NPAS3: variants seen among roughly 807,000 people sequenced by gnomAD.
NPAS3 encodes the protein neuronal PAS domain protein 3, also known as neuronal PAS domain-containing protein 3.
A neutral mutation model predicts 73.1 loss-of-function variants in NPAS3; 14 were observed. The ratio of observed to expected loss-of-function variants is 0.19; its 90% CI spans 0.13 to 0.30. The LOEUF (loss-of-function observed/expected upper bound fraction) is 0.30. Ranked by LOEUF, NPAS3 falls within the 10% of genes least tolerant of loss-of-function variation. The pLI is 1.00. For missense variants in NPAS3, 1,096 were observed against 1,250.0 expected, an observed-to-expected ratio of 0.88 and a Z score of 1.86; for synonymous variants, 620 against 541.5, an observed-to-expected ratio of 1.14 and a Z score of -2.01.
intron 4 of NPAS3, among the ~76,000 whole-genome samples, chr14:33,458,114 C>T (rs192037108): frequency 2.0e-5 from 3 of 152,260 alleles, no homozygotes; most frequent in African/African-American, 7.2e-5. Flanking sequence ...CTGGCCTGCC[C>T]GGTTGTCCAA....
chr14:33,183,425 T>TG (rs2045871208), intron 2 of NPAS3, among the ~76,000 whole-genome samples: 1 of 11,296 alleles, frequency 8.9e-5, no homozygotes, highest in Non-Finnish European at 2.3e-4. Flanking sequence ...GACTCTGTTT[T>TG]TTTTTTTTTT....
At chr14:33,411,434 C>T (rs1470936125) in intron 4 of NPAS3, among the ~76,000 whole-genome samples, 4 of 152,132 alleles carry the variant, frequency 2.6e-5, no homozygotes, top group Non-Finnish European at 4.4e-5. Context: ...CCACCTGCCT[C>T]GGTTTCCCAA....
intron 6 of NPAS3, among the ~76,000 whole-genome samples, chr14:33,734,632 A>G (rs1309544071): frequency 6.6e-6 from 1 of 152,168 alleles, no homozygotes; most frequent in East Asian, 1.9e-4. Flanking sequence ...TTCTGTCTAT[A>G]CATCCCATTC....
At chr14:33,001,640 T>C (rs1176373867) in intron 1 of NPAS3, among the ~76,000 whole-genome samples, 2 of 152,156 alleles carry the variant, frequency 1.3e-5, no homozygotes, top group Non-Finnish European at 2.9e-5. Context: ...GTTAGCAGTG[T>C]TCCTTCAGGA....
chr14:33,455,336 A>T (rs1193323649), intron 4 of NPAS3, among the ~76,000 whole-genome samples: 3 of 152,190 alleles, frequency 2.0e-5, no homozygotes, highest in Non-Finnish European at 4.4e-5. Context: ...AAAGTTTGTT[A>T]TGAATTTAAA....
intron 7 of NPAS3, among the ~76,000 whole-genome samples, chr14:33,746,199 A>ATTTATTTATTTATTTT (rs571026434): frequency 1.3e-5 from 2 of 148,934 alleles, no homozygotes; most frequent in African/African-American, 2.5e-5. Context: ...TTATTTATTT[A>ATTTATTTATTTATTTT]TTTTTTTGAG....
At chr14:33,604,075 G>A (rs1255042944) in intron 5 of NPAS3, among the ~76,000 whole-genome samples, 1 of 151,918 alleles carries the variant, frequency 6.6e-6, no homozygotes, top group African/African-American at 2.4e-5. Context: ...TGACATTGAG[G>A]AATGCTCAGT....
intron 4 of NPAS3, among the ~76,000 whole-genome samples, chr14:33,410,471 C>T (rs981740654): frequency 6.6e-6 from 1 of 152,154 alleles, no homozygotes; most frequent in Non-Finnish European, 1.5e-5. Context: ...TCTACACTGC[C>T]TTTGGATTAA....
downstream of NPAS3, chr14:33,804,096 T>C (rs2063777543): frequency 6.6e-6 from 1 of 152,186 alleles, no homozygotes; most frequent in Non-Finnish European, 1.5e-5. Context: ...ACATGTCACA[T>C]ACATGGTTGT....
chr14:33,147,730 AATATAT>A (rs10674790), intron 2 of NPAS3, among the ~76,000 whole-genome samples: 66 of 130,364 alleles, frequency 5.1e-4, no homozygotes, highest in African/African-American at 2.1e-3. Flanking sequence ...TAGAATAAAA[AATATAT>A]ATATATATAT....
chr14:33,466,791 C>T (rs2050546451), intron 4 of NPAS3, among the ~76,000 whole-genome samples: 1 of 152,068 alleles, frequency 6.6e-6, no homozygotes, highest in Non-Finnish European at 1.5e-5. Flanking sequence ...AGAACTCACT[C>T]ACTATACACT....
At chr14:33,632,309 G>T (rs935428556) in intron 5 of NPAS3, among the ~76,000 whole-genome samples, 1 of 152,124 alleles carries the variant, frequency 6.6e-6, no homozygotes, top group Non-Finnish European at 1.5e-5. Context: ...TGTGATTCAG[G>T]ATGTCTGGGT....
At chr14:33,462,538 A>G (rs2050321475) in intron 4 of NPAS3, among the ~76,000 whole-genome samples, 1 of 152,160 alleles carries the variant, frequency 6.6e-6, no homozygotes, top group East Asian at 1.9e-4. Flanking sequence ...GCCCTGGAGG[A>G]AGGGTAACGG....
intron 2 of NPAS3, among the ~76,000 whole-genome samples, chr14:33,091,019 T>G (rs2042206603): frequency 6.6e-6 from 1 of 152,156 alleles, no homozygotes; most frequent in South Asian, 2.1e-4. Flanking sequence ...TAGCACTAAA[T>G]GCCCACAAGA....
intron 2 of NPAS3, among the ~76,000 whole-genome samples, chr14:33,067,711 G>A (rs946016034): frequency 4.6e-5 from 7 of 152,198 alleles, no homozygotes; most frequent in African/African-American, 1.7e-4. Context: ...CACAGCTCGG[G>A]TGTAACATGG....
chr14:33,012,322 A>G (rs572150601), intron 1 of NPAS3, among the ~76,000 whole-genome samples: 94 of 152,172 alleles, frequency 6.2e-4, no homozygotes, highest in Non-Finnish European at 1.2e-3. Flanking sequence ...GTTGCTATCT[A>G]CTTCAAATAT....
chr14:33,735,496 C>T (rs2140649598), intron 7 of NPAS3, among the ~76,000 whole-genome samples, 164 bp downstream of exon 7: 1 of 152,234 alleles, frequency 6.6e-6, no homozygotes, highest in Non-Finnish European at 1.5e-5. Flanking sequence ...AGCTTCTTTA[C>T]ACCTCTCCTT....
In NPAS3 at chr14:33,580,805, C is replaced by G. The variant is rs182579163; in HGVS notation, c.558+20595C>G. Among the ~76,000 whole-genome samples the G allele has an allele frequency of 3.8e-3, 576 of 152,172 alleles. 6 individuals are homozygous for G. The highest frequency in any genetic ancestry group is 0.013 in the African/African-American group (552 of 41,494). On this transcript the variant is annotated intron_variant, in intron 5 of 11. Coordinates refer to ENST00000356141, the Ensembl canonical transcript of NPAS3. ...CCACACCCACCCTCCACCGCACCCC[C>G]CTACCCCAGGGTGGCTTACTTCACT...
chr14:33,357,126 C>A (rs1381630123), intron 3 of NPAS3, among the ~76,000 whole-genome samples: 1 of 152,154 alleles, frequency 6.6e-6, no homozygotes, highest in Non-Finnish European at 1.5e-5. Flanking sequence ...GACCTAGCTC[C>A]TGCATAGTTA....
Sources: gnomAD v4.1 joint callset for allele counts (sites outside exome capture counted in the v4.1 genomes callset) on GRCh38, gnomAD v4.1.1 for gene constraint, MANE v1.5 for transcripts, NCBI Gene and HGNC (gene_info 2026-07-23, HGNC 2026-07-21) for gene names.